The following GSE1 variants were observed in gnomAD, a reference collection of about 807,000 sequenced individuals.
GSE1 encodes the protein Gse1 coiled-coil protein.
Under a neutral mutation model 112.6 loss-of-function variants are expected in GSE1, and 32 were observed. That is an observed-to-expected ratio of 0.28 (90% CI 0.21 to 0.38). The LOEUF is 0.38. Among genes scored for constraint, GSE1 ranks in the 10% least tolerant of loss-of-function variants. The pLI, the probability that GSE1 is intolerant of heterozygous loss-of-function variation, is 1.00. For missense variants in GSE1, 2,348 were observed against 1,699.2 expected, an observed-to-expected ratio of 1.38 and a Z score of -6.71; for synonymous variants, 1,115 against 735.6, an observed-to-expected ratio of 1.52 and a Z score of -8.35.
chr16:85,264,038 GCTCCACAGA>G (rs1453476610), intron 1 of GSE1, among the ~76,000 whole-genome samples: 1 of 152,146 alleles, frequency 6.6e-6, no homozygotes, highest in Non-Finnish European at 1.5e-5. Context: ...CCCAGTGAGG[GCTCCACAGA>G]CCCTTAGCAC....
intron 1 of GSE1, among the ~76,000 whole-genome samples, chr16:85,282,166 T>C (rs2044876090): frequency 6.6e-6 from 1 of 152,122 alleles, no homozygotes; most frequent in Non-Finnish European, 1.5e-5. Context: ...TAGCTGGGAC[T>C]ACAGGCGTGC....
At position 85,567,558 on chromosome 16, in the gene GSE1, AT is replaced by A. The variant is rs151260349; in HGVS notation, c.37+11196del. Among the ~76,000 whole-genome samples the A allele has an allele frequency of 3.8e-3, 579 of 152,240 alleles. 4 individuals carry two copies. Among genetic ancestry groups the A allele is most frequent in the African/African-American group, 0.014 (564 of 41,544 alleles). Reference sequence around the variant, plus strand: ...AGTGTGGCATGAGCTTCCTCAAAACATGGCGGCCCCAGAGCTCCGAAGGCAG... The same window carrying A: ...AGTGTGGCATGAGCTTCCTCAAAACAGGCGGCCCCAGAGCTCCGAAGGCAG... On this transcript the variant is annotated intron_variant, in intron 1 of 2. Transcript: ENST00000635906.
chr16:85,173,820 G>A (rs1388078724), intron 1 of GSE1, among the ~76,000 whole-genome samples: 1 of 152,298 alleles, frequency 6.6e-6, no homozygotes, highest in East Asian at 1.9e-4. Context: ...GGACGGGAAC[G>A]CAGGCTGGTG....
intron 1 of GSE1, among the ~76,000 whole-genome samples, chr16:85,174,048 G>A (rs937912997): frequency 6.6e-6 from 1 of 152,130 alleles, no homozygotes; most frequent in Non-Finnish European, 1.5e-5. Context: ...TGCTCCCTAC[G>A]CCCTCTTCCA....
intron 13 of GSE1, chr16:85,666,567 C>G: frequency 1.7e-6 from 1 of 583,316 alleles, no homozygotes; most frequent in South Asian, 2.0e-5. Context: ...TTTGTAGGCA[C>G]CAGCGCTGAC....
intron 1 of GSE1, among the ~76,000 whole-genome samples, chr16:85,248,059 C>T (rs151059928): frequency 0.012 from 1,835 of 152,342 alleles, 23 homozygotes; most frequent in Middle Eastern, 0.02. Context: ...GCCCCCAGCT[C>T]TGTCCACCTG....
intron 1 of GSE1, among the ~76,000 whole-genome samples, chr16:85,205,129 AT>A (rs749638809): frequency 1.3e-5 from 2 of 151,702 alleles, no homozygotes; most frequent in Non-Finnish European, 2.9e-5. Flanking sequence ...TTATTTATTT[AT>A]TTATTTTTTA....
At chr16:85,302,888 C>T (rs2045566232) in intron 1 of GSE1, among the ~76,000 whole-genome samples, 1 of 152,212 alleles carries the variant, frequency 6.6e-6, no homozygotes, top group South Asian at 2.1e-4. Context: ...AGCGCATTCT[C>T]CTTCAATCGG....
intron 2 of GSE1, among the ~76,000 whole-genome samples, chr16:85,391,837 G>T (rs889479005): frequency 6.6e-6 from 1 of 152,172 alleles, no homozygotes; most frequent in African/African-American, 2.4e-5. Context: ...CCTGCAGATG[G>T]CTCTATAGAA....
intron 1 of GSE1, among the ~76,000 whole-genome samples, chr16:85,560,156 A>C (rs1279015865): frequency 4.3e-5 from 4 of 92,160 alleles, no homozygotes; most frequent in Non-Finnish European, 7.7e-5. Context: ...TTTTTATGTG[A>C]GACGGAGTCT....
chr16:85,605,989 G>C (rs2047687382), intron 1 of GSE1, among the ~76,000 whole-genome samples: 1 of 152,126 alleles, frequency 6.6e-6, no homozygotes, highest in Non-Finnish European at 1.5e-5. Flanking sequence ...TTCTGCCGTG[G>C]TTTCTGTTGA....
At chr16:85,306,295 C>T (rs938529628) in intron 1 of GSE1, 18 of 154,166 alleles carry the variant, frequency 1.2e-4, no homozygotes, top group African/African-American at 4.1e-4. Context: ...GGCTGGGTCA[C>T]GTTGACACTC....
intron 1 of GSE1, among the ~76,000 whole-genome samples, chr16:85,235,130 C>T (rs1904459651): frequency 6.6e-6 from 1 of 151,994 alleles, no homozygotes; most frequent in African/African-American, 2.4e-5. Context: ...CTCACCGCTG[C>T]CCCTCCCAGG....
chr16:85,417,864 G>C (rs945073849), intron 2 of GSE1, among the ~76,000 whole-genome samples: 1 of 152,190 alleles, frequency 6.6e-6, no homozygotes, highest in Non-Finnish European at 1.5e-5. Context: ...TTTTGAGATG[G>C]AGTCTCACTC....
intron 1 of GSE1, among the ~76,000 whole-genome samples, chr16:85,304,585 G>T (rs1440610808): frequency 7.8e-6 from 1 of 128,680 alleles, no homozygotes; most frequent in Non-Finnish European, 1.6e-5. Flanking sequence ...CTGCATGGCA[G>T]CTGCCAAGCC....
intron 2 of GSE1, among the ~76,000 whole-genome samples, chr16:85,394,190 C>A (rs527516086): frequency 7.0e-6 from 1 of 143,356 alleles, no homozygotes; most frequent in African/African-American, 2.7e-5. Flanking sequence ...AGGGGAGAGG[C>A]GGGGCTGGAG....
intron 2 of GSE1, among the ~76,000 whole-genome samples, chr16:85,544,417 C>T (rs1307595779): frequency 6.6e-6 from 1 of 152,168 alleles, no homozygotes; most frequent in Non-Finnish European, 1.5e-5. Context: ...AAGTAAAGGA[C>T]AGCTCAGGCC....
At chr16:85,473,580 C>T (rs778901672) in intron 2 of GSE1, among the ~76,000 whole-genome samples, 1 of 152,224 alleles carries the variant, frequency 6.6e-6, no homozygotes, top group Admixed American at 6.5e-5. Context: ...TGTCCCTGCT[C>T]TGTCTTCATG....
chr16:85,345,422 T>G (rs1286386717), intron 1 of GSE1, among the ~76,000 whole-genome samples: 1 of 152,176 alleles, frequency 6.6e-6, no homozygotes, highest in Non-Finnish European at 1.5e-5. Flanking sequence ...TCTGGCCCTT[T>G]AAGAAAAGGT....
Sources: allele counts gnomAD v4.1 joint callset (sites outside exome capture counted in the v4.1 genomes callset), GRCh38; gene constraint gnomAD v4.1.1; transcripts MANE v1.5; gene names NCBI Gene and HGNC (gene_info 2026-07-23, HGNC 2026-07-21).